The following KCNN3 variants were observed in gnomAD, a reference collection of about 807,000 sequenced individuals.
KCNN3 encodes potassium calcium-activated channel subfamily N member 3.
KCNN3 carries 16 observed loss-of-function variants against 62.9 expected under a neutral mutation model. That is an observed-to-expected ratio of 0.25 (90% CI 0.17 to 0.39). KCNN3 has a LOEUF of 0.39. Ranked by LOEUF, KCNN3 falls within the 10% of genes least tolerant of loss-of-function variation. The pLI is 1.00. For synonymous variants in KCNN3, 370 were observed against 389.2 expected (o/e 0.95, Z 0.58); for missense variants, 599 against 949.4 (o/e 0.63, Z 4.85).
intron 1 of KCNN3, among the ~76,000 whole-genome samples, chr1:154,861,570 G>T (rs1466422200): frequency 6.6e-6 from 1 of 152,072 alleles, no homozygotes; most frequent in African/African-American, 2.4e-5. Flanking sequence ...TTGAGCCCCT[G>T]CCCGAGCCCC....
rs548181644 is a variant in KCNN3, at chr1:154,744,457, C to T, written c.1449-11313G>A. 7.2e-5 allele frequency among the ~76,000 whole-genome samples: 11 copies of T among 152,300 alleles called. No individual in the cohort carries two copies. In the East Asian group the frequency reaches 1.2e-3, roughly 16 times the overall value. On this transcript the variant is annotated intron_variant, in intron 3 of 7. Transcript: ENST00000271915. ...GTAGTGAGCTGGGCACAGGGTGGGG[C>T]GTGGAGGCAGCACCCGTGTGCCTGG...
chr1:154,765,046 C>G (rs1209392593), intron 3 of KCNN3, among the ~76,000 whole-genome samples: 1 of 152,184 alleles, frequency 6.6e-6, no homozygotes. Flanking sequence ...GAGGGAGAGT[C>G]AGCTCTGGGA....
At chr1:154,720,159 G>A (rs929510139) in intron 5 of KCNN3, among the ~76,000 whole-genome samples, 19 of 152,224 alleles carry the variant, frequency 1.2e-4, no homozygotes, top group African/African-American at 4.1e-4. Flanking sequence ...TGGTCTGAGA[G>A]CAAAGTGGAT....
rs1699959090 is a variant in KCNN3, at chr1:154,705,985, G to A, written c.*1991C>T. On this transcript the variant is annotated 3_prime_UTR_variant, in exon 8 of 8. Coordinates refer to ENST00000271915, the MANE Select transcript of KCNN3 (RefSeq NM_002249.6). ...TCTTGGGACATGAAACAAGGAGGAGGGGAAACATTCAGATAATCAACAGTT... is the reference window on the plus strand; with the variant it reads ...TCTTGGGACATGAAACAAGGAGGAGAGGAAACATTCAGATAATCAACAGTT... The A allele has an allele frequency of 6.6e-6, 1 of 152,168 alleles. No homozygotes were observed. The highest frequency in any genetic ancestry group is 2.4e-5 in the African/African-American group (1 of 41,428). 9.4% of individuals were successfully genotyped at this position (152,168 alleles called of 1,614,324 possible).
chr1:154,756,069 A>G (rs373043798), intron 3 of KCNN3, among the ~76,000 whole-genome samples: 4 of 136,402 alleles, frequency 2.9e-5, no homozygotes, highest in African/African-American at 1.2e-4. Context: ...AAGAGGAAGA[A>G]GAAGGAGGAG....
At chr1:154,725,545 CTT>C (rs748710722) in intron 5 of KCNN3, among the ~76,000 whole-genome samples, 16 of 136,162 alleles carry the variant, frequency 1.2e-4, no homozygotes, top group Non-Finnish European at 1.3e-4. Flanking sequence ...TTCCTTCCTT[CTT>C]TTTTTTTTTT....
intron 3 of KCNN3, among the ~76,000 whole-genome samples, chr1:154,745,946 G>T (rs1571232923): frequency 6.6e-6 from 1 of 152,202 alleles, no homozygotes; most frequent in Non-Finnish European, 1.5e-5. Context: ...AACAGACGGG[G>T]GTTTGGATCC....
At chr1:154,829,228 C>T (rs1168747266) in intron 1 of KCNN3, among the ~76,000 whole-genome samples, 2 of 152,252 alleles carry the variant, frequency 1.3e-5, no homozygotes, top group South Asian at 2.1e-4. Flanking sequence ...CTGGAGGACA[C>T]ATCAGGCTGG....
At chr1:154,802,948 GCTCT>G (rs2101875518) in intron 2 of KCNN3, among the ~76,000 whole-genome samples, 1 of 152,290 alleles carries the variant, frequency 6.6e-6, no homozygotes, top group African/African-American at 2.4e-5. Flanking sequence ...GAGGGGAGAG[GCTCT>G]CTGTCTTTGT....
At chr1:154,827,378 A>G (rs934260072) in intron 1 of KCNN3, among the ~76,000 whole-genome samples, 3 of 152,210 alleles carry the variant, frequency 2.0e-5, no homozygotes, top group East Asian at 3.8e-4. Flanking sequence ...CCTCCACATC[A>G]GCACCAAGCC....
At chr1:154,714,743 G>T in intron 6 of KCNN3, 133 bp downstream of exon 6, 1 of 1,275,728 alleles carries the variant, frequency 7.8e-7, no homozygotes, top group Non-Finnish European at 1.1e-6. Context: ...GTCAGTGAGT[G>T]ATCAGACCCA....
At chr1:154,856,269 C>T (rs1271883864) in intron 1 of KCNN3, among the ~76,000 whole-genome samples, 10 of 152,272 alleles carry the variant, frequency 6.6e-5, no homozygotes, top group Non-Finnish European at 1.3e-4. Flanking sequence ...CCAGAAGGGC[C>T]TGTCTCTCAG....
intron 1 of KCNN3, among the ~76,000 whole-genome samples, chr1:154,822,422 T>C (rs1310968382): frequency 6.6e-6 from 1 of 152,236 alleles, no homozygotes; most frequent in Non-Finnish European, 1.5e-5. Flanking sequence ...GGCTAAGTCG[T>C]ATTTGCATTC....
At chr1:154,723,078 C>T (rs545922253) in intron 5 of KCNN3, among the ~76,000 whole-genome samples, 1 of 152,264 alleles carries the variant, frequency 6.6e-6, no homozygotes, top group Admixed American at 6.5e-5. Flanking sequence ...ATACAATGGA[C>T]CATTTCAAGA....
chr1:154,716,444 G>C (rs1377932634), intron 5 of KCNN3, among the ~76,000 whole-genome samples: 1 of 152,250 alleles, frequency 6.6e-6, no homozygotes, highest in Non-Finnish European at 1.5e-5. Flanking sequence ...TGCTTCTTCA[G>C]ACTGACATCA....
intron 2 of KCNN3, among the ~76,000 whole-genome samples, chr1:154,773,712 G>A (rs1034261839): frequency 3.3e-5 from 5 of 152,236 alleles, no homozygotes; most frequent in Admixed American, 3.3e-4. Context: ...GTCCCTTCCA[G>A]CACACAGGTG....
chr1:154,801,835 G>A, intron 2 of KCNN3, among the ~76,000 whole-genome samples: 1 of 152,130 alleles, frequency 6.6e-6, no homozygotes, highest in East Asian at 1.9e-4. Context: ...TCGGCCTCCG[G>A]GGCTCTGTTT....
intron 2 of KCNN3, among the ~76,000 whole-genome samples, chr1:154,805,749 A>T (rs972013190): frequency 1.3e-4 from 20 of 152,286 alleles, no homozygotes; most frequent in Middle Eastern, 3.4e-3. Flanking sequence ...TGGGTATGTG[A>T]TCTAATACCC....
At chr1:154,749,693 G>A (rs1367582275) in intron 3 of KCNN3, among the ~76,000 whole-genome samples, 2 of 152,202 alleles carry the variant, frequency 1.3e-5, no homozygotes, top group African/African-American at 4.8e-5. Context: ...GGAAGATAGA[G>A]AAAGAGAGGG....
Sources: allele counts gnomAD v4.1 joint callset (sites outside exome capture counted in the v4.1 genomes callset), GRCh38; gene constraint gnomAD v4.1.1; transcripts MANE v1.5; gene names NCBI Gene and HGNC (gene_info 2026-07-23, HGNC 2026-07-21).